MOB3B: variants seen among roughly 807,000 people sequenced by gnomAD.
The protein encoded by MOB3B is MOB kinase activator-like 2B.
Under a neutral mutation model 18.7 loss-of-function variants are expected in MOB3B, and 7 were observed. The ratio of observed to expected loss-of-function variants is 0.37; its 90% CI spans 0.21 to 0.70. The LOEUF (loss-of-function observed/expected upper bound fraction) is 0.70. Ranked by LOEUF, MOB3B falls within the 30% of genes least tolerant of loss-of-function variation. The pLI, the probability that MOB3B is intolerant of heterozygous loss-of-function variation, is 0.52. For synonymous variants in MOB3B, 111 were observed against 99.9 expected, an observed-to-expected ratio of 1.11 and a Z score of -0.66; for missense variants, 253 against 281.3, an observed-to-expected ratio of 0.90 and a Z score of 0.72.
At chr9:27,471,592 C>A (rs1008559259) in intron 1 of MOB3B, among the ~76,000 whole-genome samples, 8 of 152,156 alleles carry the variant, frequency 5.3e-5, no homozygotes, top group Non-Finnish European at 8.8e-5. Context: ...ACGTTAGCTT[C>A]CTCTTCTTCC....
At chr9:27,440,671 T>C (rs146082696) in intron 2 of MOB3B, among the ~76,000 whole-genome samples, 111 of 152,330 alleles carry the variant, frequency 7.3e-4, no homozygotes, top group African/African-American at 2.5e-3. Flanking sequence ...GTTACGCATC[T>C]AGTCTGAATT....
chr9:27,439,834 C>A (rs1822566857), intron 2 of MOB3B, among the ~76,000 whole-genome samples: 1 of 152,106 alleles, frequency 6.6e-6, no homozygotes, highest in South Asian at 2.1e-4. Flanking sequence ...TACTATGGAC[C>A]TTTATAAGCT....
chr9:27,506,832 A>ATTTTTTTTTTT (rs71492749), intron 1 of MOB3B, among the ~76,000 whole-genome samples: 86 of 120,474 alleles, frequency 7.1e-4, no homozygotes, highest in African/African-American at 1.5e-3. Flanking sequence ...ACCCCGGCTA[A>ATTTTTTTTTTT]TTTTTTTTTT....
At chr9:27,515,869 A>G (rs1820224380) in intron 1 of MOB3B, among the ~76,000 whole-genome samples, 1 of 152,228 alleles carries the variant, frequency 6.6e-6, no homozygotes, top group South Asian at 2.1e-4. Flanking sequence ...TCTAATCCCC[A>G]ATACCTATAA....
In MOB3B at chr9:27,330,427, C is replaced by A. The variant is rs1035088155; in HGVS notation, c.*160G>T. Reference sequence around the variant, plus strand: ...CAGCACTCAGAAGGTTAAGAGCACACAAAGTGAGTGGGGAATGTCTCTCAG... The same window carrying A: ...CAGCACTCAGAAGGTTAAGAGCACAAAAAGTGAGTGGGGAATGTCTCTCAG... On this transcript the variant is annotated 3_prime_UTR_variant, in exon 4 of 4. Coordinates refer to ENST00000262244, the MANE Select transcript of MOB3B (RefSeq NM_024761.5). 30 of 896,334 alleles carry A rather than the reference C, an allele frequency of 3.3e-5. No individual in the cohort carries two copies. The highest frequency in any genetic ancestry group is 4.9e-5 in the Non-Finnish European group (29 of 593,226). The allele number at this position is 896,334 out of a possible 1,614,324, so 55.5% of individuals were successfully genotyped here. A position where few individuals can be genotyped will look rare whatever the true frequency, so the allele number is the denominator to read the frequency against.
chr9:27,507,671 G>C (rs542370967), intron 1 of MOB3B, among the ~76,000 whole-genome samples: 7 of 152,318 alleles, frequency 4.6e-5, no homozygotes, highest in Admixed American at 1.3e-4. Flanking sequence ...TGACTGTTAG[G>C]CTGAGTCCCC....
chr9:27,334,658 TTA>T (rs1401887051), intron 3 of MOB3B, among the ~76,000 whole-genome samples: 1 of 152,222 alleles, frequency 6.6e-6, no homozygotes, highest in Non-Finnish European at 1.5e-5. Flanking sequence ...GTACCCATTT[TTA>T]TAACTGGTAG....
chr9:27,422,162 G>A (rs1276503040), intron 2 of MOB3B, among the ~76,000 whole-genome samples: 3 of 152,224 alleles, frequency 2.0e-5, no homozygotes, highest in Admixed American at 1.3e-4. Flanking sequence ...GGAAAATAGT[G>A]AGGATCAAAT....
intron 1 of MOB3B, among the ~76,000 whole-genome samples, chr9:27,489,734 AAAT>A (rs1430365860): frequency 4.1e-4 from 4 of 9,856 alleles, no homozygotes; most frequent in African/African-American, 6.0e-4. Context: ...CCAGATAAGG[AAAT>A]AATCTTTTTT....
At chr9:27,453,760 C>T (rs1822828758) in intron 2 of MOB3B, among the ~76,000 whole-genome samples, 1 of 152,100 alleles carries the variant, frequency 6.6e-6, no homozygotes, top group Non-Finnish European at 1.5e-5. Flanking sequence ...ATTACATGTT[C>T]AGCATAGAGC....
intron 2 of MOB3B, among the ~76,000 whole-genome samples, chr9:27,400,451 C>A (rs1821861260): frequency 6.6e-6 from 1 of 152,182 alleles, no homozygotes; most frequent in African/African-American, 2.4e-5. Context: ...CTGCCTCCCT[C>A]CTTCCTTCCC....
chr9:27,443,500 A>G (rs934838988), intron 2 of MOB3B, among the ~76,000 whole-genome samples: 1 of 152,210 alleles, frequency 6.6e-6, no homozygotes, highest in African/African-American at 2.4e-5. Flanking sequence ...TGCGAAAGGT[A>G]TTCTTAAATA....
chr9:27,481,497 GTTTTTTTTTTTTTGTTTTTTTTGTT>G (rs1327807199), intron 1 of MOB3B, among the ~76,000 whole-genome samples: 2 of 89,008 alleles, frequency 2.2e-5, no homozygotes, highest in Admixed American at 1.5e-4. Flanking sequence ...AAGGAAGGTA[GTTTTTTTTTTTTTGTTTTTTTTGTT>G]TTTTTTTTTT....
chr9:27,342,477 C>T (rs1399956631), intron 3 of MOB3B, among the ~76,000 whole-genome samples: 1 of 151,930 alleles, frequency 6.6e-6, no homozygotes, highest in East Asian at 1.9e-4. Flanking sequence ...CTCCCTCTCC[C>T]TCTCCCCGGT....
At chr9:27,347,607 A>G (rs1409850619) in intron 3 of MOB3B, among the ~76,000 whole-genome samples, 2 of 152,166 alleles carry the variant, frequency 1.3e-5, no homozygotes, top group African/African-American at 4.8e-5. Context: ...TGCGTGTAGG[A>G]TGGATTCTGG....
chr9:27,360,312 T>C (rs1465046497), intron 2 of MOB3B, among the ~76,000 whole-genome samples: 1 of 152,170 alleles, frequency 6.6e-6, no homozygotes, highest in African/African-American at 2.4e-5. Flanking sequence ...GAGACCAGTC[T>C]GGCCAACATG....
At chr9:27,483,412 G>C (rs1020622491) in intron 1 of MOB3B, among the ~76,000 whole-genome samples, 1 of 152,098 alleles carries the variant, frequency 6.6e-6, no homozygotes, top group African/African-American at 2.4e-5. Context: ...GATTACAGGC[G>C]TGAGCCACCG....
At chr9:27,501,179 G>A (rs2131494785) in intron 1 of MOB3B, among the ~76,000 whole-genome samples, 1 of 152,282 alleles carries the variant, frequency 6.6e-6, no homozygotes, top group African/African-American at 2.4e-5. Context: ...CAACAATTGT[G>A]GAAGACAGTG....
intron 1 of MOB3B, among the ~76,000 whole-genome samples, chr9:27,462,027 C>G (rs985276624): frequency 1.3e-5 from 2 of 152,260 alleles, no homozygotes; most frequent in East Asian, 3.9e-4. Context: ...ACACCAGTAC[C>G]AACTAGCTTA....
Sources: allele counts gnomAD v4.1 joint callset (sites outside exome capture counted in the v4.1 genomes callset), GRCh38; gene constraint gnomAD v4.1.1; transcripts MANE v1.5; gene names NCBI Gene and HGNC (gene_info 2026-07-23, HGNC 2026-07-21).